The following YAP1 variants were observed in gnomAD, a reference collection of about 807,000 sequenced individuals.
YAP1 encodes the protein Yes1 associated transcriptional regulator.
YAP1 carries 5 observed loss-of-function variants against 56.9 expected under a neutral mutation model. That is an observed-to-expected ratio of 0.09 (90% CI 0.05 to 0.18). The LOEUF (loss-of-function observed/expected upper bound fraction) is 0.18, where lower values mean the gene tolerates loss of function less well. Among genes scored for constraint, YAP1 ranks in the 10% least tolerant of loss-of-function variants. The pLI, the probability that YAP1 is intolerant of heterozygous loss-of-function variation, is 1.00. For synonymous variants in YAP1, 265 were observed against 248.1 expected (o/e 1.07, Z -0.64); for missense variants, 539 against 651.8 (o/e 0.83, Z 1.88).
At chr11:102,207,837 G>GC (rs2135604314) in intron 5 of YAP1, among the ~76,000 whole-genome samples, 1 of 152,322 alleles carries the variant, frequency 6.6e-6, no homozygotes, top group Non-Finnish European at 1.5e-5. Context: ...GACAGTATGT[G>GC]CCAACATACG....
chr11:102,184,230 GTT>G (rs1345856750), intron 3 of YAP1, among the ~76,000 whole-genome samples: 1 of 152,120 alleles, frequency 6.6e-6, no homozygotes, highest in Non-Finnish European at 1.5e-5. Flanking sequence ...ACAGTTAGTT[GTT>G]TTGCAAAAGC....
intron 2 of YAP1, among the ~76,000 whole-genome samples, chr11:102,147,917 T>C (rs926449512): frequency 1.3e-5 from 2 of 152,218 alleles, no homozygotes; most frequent in Admixed American, 6.5e-5. Flanking sequence ...GATATTAGAA[T>C]GATAGTCATG....
chr11:102,176,532 G>C (rs1028002979), intron 3 of YAP1, among the ~76,000 whole-genome samples: 1 of 151,918 alleles, frequency 6.6e-6, no homozygotes, highest in Non-Finnish European at 1.5e-5. Flanking sequence ...GGATCTTGAG[G>C]TCAGGAGTTT....
chr11:102,210,963 G>A (rs1319727997), intron 6 of YAP1, among the ~76,000 whole-genome samples: 1 of 152,062 alleles, frequency 6.6e-6, no homozygotes, highest in Non-Finnish European at 1.5e-5. Context: ...CACAGTGTTA[G>A]CCAGGATGGT....
At chr11:102,203,130 A>G (rs1280354201) in intron 4 of YAP1, among the ~76,000 whole-genome samples, 1 of 152,230 alleles carries the variant, frequency 6.6e-6, no homozygotes. Flanking sequence ...GGGCTTGTCA[A>G]AACACAGATT....
At chr11:102,200,516 CG>C (rs1948796753) in intron 4 of YAP1, among the ~76,000 whole-genome samples, 1 of 150,518 alleles carries the variant, frequency 6.6e-6, no homozygotes, top group Non-Finnish European at 1.5e-5. Context: ...GCAATCTCAG[CG>C]TGCTGCAACC....
intron 4 of YAP1, among the ~76,000 whole-genome samples, chr11:102,203,629 C>T (rs1428756531): frequency 6.6e-6 from 1 of 152,116 alleles, no homozygotes; most frequent in African/African-American, 2.4e-5. Context: ...CACAAGGATT[C>T]ATTATCTGTA....
intron 2 of YAP1, among the ~76,000 whole-genome samples, chr11:102,141,884 G>T (rs1386980062): frequency 6.6e-6 from 1 of 152,154 alleles, no homozygotes; most frequent in Non-Finnish European, 1.5e-5. Context: ...TTTACTGACT[G>T]AATTCTGGAG....
At chr11:102,130,720 CTTTT>C (rs61175592) in intron 2 of YAP1, among the ~76,000 whole-genome samples, 48 of 98,152 alleles carry the variant, frequency 4.9e-4, no homozygotes, top group African/African-American at 1.2e-3. Context: ...GATAACTACT[CTTTT>C]TTTTTTTTTT....
At chr11:102,190,504 C>T (rs374662944) in intron 4 of YAP1, among the ~76,000 whole-genome samples, 3 of 151,720 alleles carry the variant, frequency 2.0e-5, no homozygotes, top group East Asian at 1.9e-4. Flanking sequence ...TGGTGGTGCA[C>T]GCTTGTAGTC....
At chr11:102,201,651 A>G (rs1462350862) in intron 4 of YAP1, among the ~76,000 whole-genome samples, 1 of 152,166 alleles carries the variant, frequency 6.6e-6, no homozygotes, top group East Asian at 1.9e-4. Flanking sequence ...TTGCGTATGT[A>G]TAGAGGACAA....
chr11:102,161,518 C>G (rs1312675725), intron 2 of YAP1, among the ~76,000 whole-genome samples: 1 of 152,022 alleles, frequency 6.6e-6, no homozygotes, highest in African/African-American at 2.4e-5. Context: ...TCATATATAT[C>G]CATGTTTAAC....
chr11:102,149,892 C>T (rs1371888658), intron 2 of YAP1, among the ~76,000 whole-genome samples: 3 of 149,444 alleles, frequency 2.0e-5, no homozygotes, highest in Non-Finnish European at 3.0e-5. Flanking sequence ...TAACTAATTG[C>T]GTATATGAAG....
chr11:102,233,298 TTTTG>T lies in YAP1; in HGVS notation c.*3362_*3365del. 1 of 152,356 alleles carries T rather than the reference TTTTG, an allele frequency of 6.6e-6. No homozygotes were observed. Among genetic ancestry groups the T allele is most frequent in the South Asian group, 2.1e-4 (1 of 4,828 alleles). 9.4% of individuals were successfully genotyped at this position (152,356 alleles called of 1,614,324 possible). A position where few individuals can be genotyped will look rare whatever the true frequency, so the allele number is the denominator to read the frequency against. ...ATAGTACCAATGTTACCTTTTTATT[TTTTG>T]TTTTAGATGTAAGAGCATGCTCATA... On this transcript the variant is annotated 3_prime_UTR_variant, in exon 9 of 9. Transcript: ENST00000282441.
intron 7 of YAP1, among the ~76,000 whole-genome samples, chr11:102,225,504 CAAAA>C (rs753210959): frequency 1.3e-5 from 2 of 152,034 alleles, no homozygotes; most frequent in African/African-American, 2.4e-5. Flanking sequence ...AAAAGACAAA[CAAAA>C]AAACCTCTTG....
intron 6 of YAP1, among the ~76,000 whole-genome samples, chr11:102,211,704 TTTC>T (rs1949410902): frequency 6.6e-6 from 1 of 151,994 alleles, no homozygotes; most frequent in Non-Finnish European, 1.5e-5. Flanking sequence ...AGTCATGTCT[TTTC>T]TTCTTTTTTT....
At chr11:102,162,299 G>A (rs1946337639) in intron 2 of YAP1, among the ~76,000 whole-genome samples, 157 bp from the exon 3 acceptor site, 1 of 152,202 alleles carries the variant, frequency 6.6e-6, no homozygotes, top group Admixed American at 6.5e-5. Flanking sequence ...GGTGAAAAAT[G>A]TCTGTTGCAG....
At chr11:102,127,327 G>A (rs1383169548) in intron 2 of YAP1, among the ~76,000 whole-genome samples, 1 of 152,190 alleles carries the variant, frequency 6.6e-6, no homozygotes, top group Non-Finnish European at 1.5e-5. Flanking sequence ...TGGGCCCAGG[G>A]TCCCTGTGCT....
intron 2 of YAP1, among the ~76,000 whole-genome samples, chr11:102,148,500 G>A (rs1220865373): frequency 2.6e-5 from 4 of 151,706 alleles, no homozygotes; most frequent in Admixed American, 6.6e-5. Flanking sequence ...TGTACTTAAC[G>A]TGTGCTACAC....
Sources: allele counts gnomAD v4.1 joint callset (sites outside exome capture counted in the v4.1 genomes callset), GRCh38; gene constraint gnomAD v4.1.1; transcripts MANE v1.5; gene names NCBI Gene and HGNC (gene_info 2026-07-23, HGNC 2026-07-21).